RBFOX2: variants seen among roughly 807,000 people sequenced by gnomAD.
The protein encoded by RBFOX2 is RNA binding protein fox-1 homolog 2.
Under a neutral mutation model 49.1 loss-of-function variants are expected in RBFOX2, and 10 were observed. The ratio of observed to expected loss-of-function variants is 0.20; its 90% CI spans 0.13 to 0.35. The LOEUF is 0.35. Ranked by LOEUF, RBFOX2 falls within the 10% of genes least tolerant of loss-of-function variation. RBFOX2 has a pLI of 1.00. For missense variants in RBFOX2, 323 were observed against 486.9 expected (o/e 0.66, Z 3.17); for synonymous variants, 183 against 187.4 (o/e 0.98, Z 0.19).
intron 1 of RBFOX2, among the ~76,000 whole-genome samples, chr22:35,984,238 A>G (rs966283621): frequency 2.0e-5 from 3 of 152,128 alleles, no homozygotes; most frequent in African/African-American, 7.2e-5. Context: ...AGAGTTCCTG[A>G]TTTAATTGGT....
At chr22:35,895,423 G>GCA (rs1378329475) in intron 1 of RBFOX2, among the ~76,000 whole-genome samples, 2 of 152,136 alleles carry the variant, frequency 1.3e-5, no homozygotes. Context: ...CAGAAGCCAA[G>GCA]CACACACACA....
At chr22:36,018,738 C>G (rs890463004) in intron 1 of RBFOX2, among the ~76,000 whole-genome samples, 1 of 152,234 alleles carries the variant, frequency 6.6e-6, no homozygotes, top group African/African-American at 2.4e-5. Flanking sequence ...CTCAGCCTCC[C>G]AAGTAGCTGG....
intron 9 of RBFOX2, chr22:35,750,595 T>C: frequency 1.6e-6 from 1 of 610,982 alleles, no homozygotes; most frequent in East Asian, 2.8e-5. Context: ...TTGATTCAGA[T>C]ACACACATGC....
At chr22:35,823,934 G>T (rs1955077540) in intron 1 of RBFOX2, among the ~76,000 whole-genome samples, 3 of 152,092 alleles carry the variant, frequency 2.0e-5, no homozygotes. Context: ...TGGATCATGA[G>T]GTCAGGAGAT....
chr22:35,863,556 T>C (rs1456473184), intron 1 of RBFOX2, among the ~76,000 whole-genome samples: 2 of 152,126 alleles, frequency 1.3e-5, no homozygotes, highest in Non-Finnish European at 2.9e-5. Flanking sequence ...GTCAGGAATC[T>C]GACAGCTGCA....
chr22:35,943,380 C>T (rs563005773), upstream of RBFOX2, among the ~76,000 whole-genome samples: 4 of 151,958 alleles, frequency 2.6e-5, no homozygotes, highest in Non-Finnish European at 5.9e-5. Flanking sequence ...GTTTTAGTAG[C>T]GATATGTCTA....
At chr22:35,903,194 C>A (rs2048776917) in intron 1 of RBFOX2, among the ~76,000 whole-genome samples, 1 of 152,052 alleles carries the variant, frequency 6.6e-6, no homozygotes, top group South Asian at 2.1e-4. Context: ...TTCTCATTTT[C>A]TTCAATCTAC....
intron 8 of RBFOX2, 73 bp downstream of exon 9, chr22:35,761,129 A>G (rs554066072): frequency 5.7e-6 from 5 of 873,912 alleles, no homozygotes; most frequent in East Asian, 3.3e-5. Flanking sequence ...CTGTACTAGG[A>G]AAAAAAAAAA....
chr22:36,019,976 A>G (rs1445294587), intron 1 of RBFOX2, among the ~76,000 whole-genome samples: 2 of 152,198 alleles, frequency 1.3e-5, no homozygotes, highest in Non-Finnish European at 2.9e-5. Flanking sequence ...TGGGGGCATC[A>G]CGCTACCTGA....
intron 1 of RBFOX2, among the ~76,000 whole-genome samples, chr22:35,913,992 T>C (rs943462909): frequency 1.3e-5 from 2 of 152,166 alleles, no homozygotes; most frequent in Admixed American, 6.5e-5. Flanking sequence ...CTTGCTCTAG[T>C]AGCGGGGCTG....
intron 1 of RBFOX2, among the ~76,000 whole-genome samples, chr22:36,021,252 G>T (rs1172785962): frequency 9.3e-6 from 1 of 107,866 alleles, no homozygotes; most frequent in Non-Finnish European, 1.8e-5. Flanking sequence ...GTCCTGGGGT[G>T]GGGGGAGGGG....
chr22:35,754,421 T>A (rs183521092), intron 9 of RBFOX2, among the ~76,000 whole-genome samples: 3 of 152,190 alleles, frequency 2.0e-5, no homozygotes, highest in African/African-American at 7.2e-5. Context: ...AAGACATAAA[T>A]AGGTTGTATT....
intron 2 of RBFOX2, among the ~76,000 whole-genome samples, chr22:35,801,218 T>C (rs192523104): frequency 2.0e-5 from 3 of 152,330 alleles, no homozygotes; most frequent in Admixed American, 1.3e-4. Context: ...AATAAATCTG[T>C]AAATAACAAC....
chr22:35,876,717 C>T (rs550711153), intron 1 of RBFOX2, among the ~76,000 whole-genome samples: 2 of 151,698 alleles, frequency 1.3e-5, no homozygotes, highest in Admixed American at 6.6e-5. Context: ...CACACACACA[C>T]ACACACACAC....
chr22:35,882,098 T>C (rs1327170098), intron 1 of RBFOX2, among the ~76,000 whole-genome samples: 1 of 151,630 alleles, frequency 6.6e-6, no homozygotes, highest in Non-Finnish European at 1.5e-5. Context: ...ACTAAAGCCA[T>C]GAGAGTGGAT....
chr22:35,775,307 G>C (rs1943607779), intron 4 of RBFOX2, among the ~76,000 whole-genome samples: 1 of 152,166 alleles, frequency 6.6e-6, no homozygotes, highest in Admixed American at 6.5e-5. Context: ...ACAAGGTTTT[G>C]TATCAGTCCT....
chr22:35,746,332 G>C (rs1255564999), intron 10 of RBFOX2, 141 bp downstream of exon 12: 1 of 743,676 alleles, frequency 1.3e-6, no homozygotes. Context: ...GCCATCAAGA[G>C]GTCTGCAGAA....
chr22:35,798,946 T>C (rs1462191047), intron 2 of RBFOX2, among the ~76,000 whole-genome samples: 1 of 152,156 alleles, frequency 6.6e-6, no homozygotes, highest in Non-Finnish European at 1.5e-5. Flanking sequence ...ATGAATTCTG[T>C]TACCTAAACT....
chr22:36,028,609 A>C (rs187950463), exon 1 of RBFOX2, among the ~76,000 whole-genome samples: 4 of 148,592 alleles, frequency 2.7e-5, no homozygotes, highest in African/African-American at 9.8e-5. Flanking sequence ...TCCTTGCCTG[A>C]CCGCTTGCTC....
Sources: gnomAD v4.1 joint callset for allele counts (sites outside exome capture counted in the v4.1 genomes callset) on GRCh38, gnomAD v4.1.1 for gene constraint, MANE v1.5 for transcripts, NCBI Gene and HGNC (gene_info 2026-07-23, HGNC 2026-07-21) for gene names.